SPDYE12: variants seen among roughly 807,000 people sequenced by gnomAD.
SPDYE12 encodes speedy/RINGO cell cycle regulator family member E12, also known as speedy protein E12.
At chr7:74,907,271 C>T in the SPDYE12 span, among the ~76,000 whole-genome samples, 19 of 151,160 alleles carry the variant, frequency 1.3e-4, 1 homozygote, top group Non-Finnish European at 2.4e-4. Flanking sequence ...TGATCAAGGG[C>T]GTCTCCCACT....
At chr7:74,910,365 G>GA in the SPDYE12 span, among the ~76,000 whole-genome samples, 3 of 149,764 alleles carry the variant, frequency 2.0e-5, no homozygotes, top group African/African-American at 2.4e-5. Context: ...TCTTGTCTCA[G>GA]AAAAAAAAAT....
At chr7:74,908,138 C>G in the SPDYE12 span, among the ~76,000 whole-genome samples, 7 of 142,984 alleles carry the variant, frequency 4.9e-5, no homozygotes, top group Non-Finnish European at 1.1e-4. Context: ...AGGAATGGGT[C>G]CTTCCCTTCA....
At chr7:74,908,607 C>G in the SPDYE12 span, among the ~76,000 whole-genome samples, 1 of 142,358 alleles carries the variant, frequency 7.0e-6, no homozygotes, top group African/African-American at 2.6e-5. Context: ...TCCGCTCCTC[C>G]GCTCCTTTTC....
chr7:74,910,563 GTTT>G, the SPDYE12 span, among the ~76,000 whole-genome samples: 102 of 149,938 alleles, frequency 6.8e-4, 3 homozygotes, highest in Middle Eastern at 6.9e-3. Context: ...GGTGGTTCAT[GTTT>G]GTAATCCCAG....
At chr7:74,909,251 G>A in the SPDYE12 span, among the ~76,000 whole-genome samples, 1 of 150,374 alleles carries the variant, frequency 6.7e-6, no homozygotes, top group Non-Finnish European at 1.5e-5. Context: ...ACGGGGTTTT[G>A]CCATGTTGGC....
chr7:74,910,211 A>G, the SPDYE12 span, among the ~76,000 whole-genome samples: 1 of 141,248 alleles, frequency 7.1e-6, no homozygotes, highest in Non-Finnish European at 1.5e-5. Context: ...GTTTCTACGA[A>G]GGTTTCAAAA....
chr7:74,914,386 T>TAAAACAAAAC, the SPDYE12 span, among the ~76,000 whole-genome samples: 40 of 14,352 alleles, frequency 2.8e-3, no homozygotes, highest in African/African-American at 6.2e-3. Flanking sequence ...AGCCCATCTC[T>TAAAACAAAAC]AAAACAAAAC....
the SPDYE12 span, among the ~76,000 whole-genome samples, chr7:74,912,770 C>CTTTTTTTTTTTTTTTTTTTTTT: frequency 8.9e-5 from 1 of 11,238 alleles, no homozygotes. Flanking sequence ...TTTTTTTCTT[C>CTTTTTTTTTTTTTTTTTTTTTT]TTTTTTTTTT....
chr7:74,907,834 A>G, the SPDYE12 span, among the ~76,000 whole-genome samples: 1 of 149,538 alleles, frequency 6.7e-6, no homozygotes, highest in Non-Finnish European at 1.5e-5. Flanking sequence ...AGGTGGGAGG[A>G]TCGCTTGAGC....
the SPDYE12 span, among the ~76,000 whole-genome samples, chr7:74,904,693 A>C: frequency 1.1e-4 from 17 of 151,154 alleles, 1 homozygote; most frequent in Non-Finnish European, 2.2e-4. Flanking sequence ...ATGTGTATAC[A>C]ACAGTTATAA....
the SPDYE12 span, among the ~76,000 whole-genome samples, chr7:74,904,986 TA>T: frequency 1.4e-5 from 2 of 142,442 alleles, no homozygotes; most frequent in Admixed American, 7.0e-5. Flanking sequence ...AAACAGCAAA[TA>T]AAAATTTCTA....
At chr7:74,908,896 T>C in the SPDYE12 span, among the ~76,000 whole-genome samples, 1 of 149,850 alleles carries the variant, frequency 6.7e-6, no homozygotes, top group East Asian at 2.0e-4. Flanking sequence ...TTAGCCAGGA[T>C]GGTCTTGCTC....
At chr7:74,910,487 C>T in the SPDYE12 span, among the ~76,000 whole-genome samples, 9 of 146,600 alleles carry the variant, frequency 6.1e-5, no homozygotes, top group Admixed American at 4.2e-4. Context: ...GTCAGGTGTT[C>T]GGGACCAATC....
the SPDYE12 span, among the ~76,000 whole-genome samples, chr7:74,906,417 C>T: frequency 5.6e-5 from 4 of 71,472 alleles, 2 homozygotes; most frequent in African/African-American, 1.0e-4. Context: ...GCCCCGACCT[C>T]CCAGGCTCCA....
chr7:74,909,402 T>C, the SPDYE12 span: 2 of 1,366,182 alleles, frequency 1.5e-6, no homozygotes, highest in African/African-American at 1.4e-5. Flanking sequence ...ATCCTGTCTT[T>C]TTTGTACACA....
At chr7:74,908,661 C>CTTTT in the SPDYE12 span, among the ~76,000 whole-genome samples, 70 of 58,594 alleles carry the variant, frequency 1.2e-3, 3 homozygotes, top group African/African-American at 1.5e-3. Flanking sequence ...GTTTTTTGTT[C>CTTTT]TTTTTTTTTT....
the SPDYE12 span, among the ~76,000 whole-genome samples, chr7:74,904,704 C>T: frequency 5.3e-3 from 797 of 150,058 alleles, 11 homozygotes; most frequent in Non-Finnish European, 9.2e-3. Flanking sequence ...ACAGTTATAA[C>T]ACCCATCACA....
chr7:74,910,027 T>C, the SPDYE12 span, among the ~76,000 whole-genome samples: 1 of 150,690 alleles, frequency 6.6e-6, no homozygotes, highest in South Asian at 2.1e-4. Context: ...ACTCATTCAC[T>C]CTGCAAGAGA....
At chr7:74,909,437 A>T in the SPDYE12 span, 1 of 924,774 alleles carries the variant, frequency 1.1e-6, no homozygotes, top group Admixed American at 2.0e-5. Context: ...AATAGGTGAA[A>T]GAATAAATGA....
Sources: allele counts gnomAD v4.1 joint callset (sites outside exome capture counted in the v4.1 genomes callset), GRCh38; gene constraint gnomAD v4.1.1; transcripts MANE v1.5; gene names NCBI Gene and HGNC (gene_info 2026-07-23, HGNC 2026-07-21).